Variants in MTHFD2 observed in about 807,000 individuals in gnomAD.
MTHFD2 encodes methylenetetrahydrofolate dehydrogenase (NADP+ dependent) 2, methenyltetrahydrofolate cyclohydrolase.
A neutral mutation model predicts 36.8 loss-of-function variants in MTHFD2; 26 were observed. That is an observed-to-expected ratio of 0.71 (90% CI 0.52 to 0.98). MTHFD2 has a LOEUF of 0.98. MTHFD2 is among the 50% of genes least tolerant of loss of function. The pLI is 0.00. For missense variants in MTHFD2, 373 were observed against 434.0 expected, an observed-to-expected ratio of 0.86 and a Z score of 1.25; for synonymous variants, 164 against 155.2, an observed-to-expected ratio of 1.06 and a Z score of -0.42.
rs1694159368 is a variant in MTHFD2, at chr2:74,205,688, T to C, written c.102-17T>C. On this transcript the variant is annotated splice_polypyrimidine_tract_variant and intron_variant, in intron 1 of 7. Coordinates refer to ENST00000394053, the MANE Select transcript of MTHFD2 (RefSeq NM_006636.4). ...AATTCAAGTTATTTGGTTTTGTGAC[T>C]CTGTTGCCTTCTGCAGAAATGAAGC... The C allele has an allele frequency of 6.2e-7, 1 of 1,611,894 alleles. No homozygotes were observed. The highest frequency in any genetic ancestry group is 1.3e-5 in the African/African-American group (1 of 74,876).
chr2:74,210,789 T>TTTTTTTTTTTTTG (rs1164653958), intron 5 of MTHFD2, among the ~76,000 whole-genome samples: 3 of 150,188 alleles, frequency 2.0e-5, no homozygotes, highest in South Asian at 2.1e-4. Flanking sequence ...AAGTCAGTTT[T>TTTTTTTTTTTTTG]TTTTTTTTTT....
chr2:74,202,359 G>T (rs1162227727), intron 1 of MTHFD2, among the ~76,000 whole-genome samples: 2 of 152,024 alleles, frequency 1.3e-5, no homozygotes, highest in Non-Finnish European at 2.9e-5. Flanking sequence ...CAACATAAAT[G>T]ACTGTTCTAA....
rs952607626 is a variant in MTHFD2 at position 74,216,029 on chromosome 2, T to G, written c.*1787T>G. On this transcript the variant is annotated 3_prime_UTR_variant, in exon 8 of 8. Coordinates refer to ENST00000394053, the MANE Select transcript of MTHFD2 (RefSeq NM_006636.4). ...TGGCTTTCATGCGAGCAGAAGTAGC[T>G]CCTGCTCTAGGCAGCTTGAGGCAGA... The G allele has an allele frequency of 2.0e-5, 3 of 152,254 alleles. No homozygotes were observed. Among genetic ancestry groups the G allele is most frequent in the Admixed American group, 2.0e-4 (3 of 15,278 alleles). The allele number at this position is 152,254 out of a possible 1,614,324, so 9.4% of individuals were successfully genotyped here.
chr2:74,200,542 A>G (rs953717340), intron 1 of MTHFD2, among the ~76,000 whole-genome samples: 1 of 149,156 alleles, frequency 6.7e-6, no homozygotes, highest in Non-Finnish European at 1.5e-5. Flanking sequence ...ATGAGTCTGC[A>G]TTCTTTTTTT....
intron 1 of MTHFD2, among the ~76,000 whole-genome samples, chr2:74,199,892 C>T (rs932182217): frequency 2.2e-4 from 33 of 152,118 alleles, no homozygotes; most frequent in African/African-American, 7.7e-4. Context: ...TGTTAGAGCC[C>T]TGCACCTTAC....
intron 7 of MTHFD2, among the ~76,000 whole-genome samples, chr2:74,212,702 T>C (rs529048548): frequency 6.6e-6 from 1 of 152,302 alleles, no homozygotes; most frequent in East Asian, 1.9e-4. Flanking sequence ...CTTAGACTTA[T>C]TTCATAATTC....
At chr2:74,208,449 A>T in intron 3 of MTHFD2, 120 bp from the exon 4 acceptor site, 1 of 1,149,358 alleles carries the variant, frequency 8.7e-7, no homozygotes, top group Non-Finnish European at 1.3e-6. Flanking sequence ...ATGCAGATGA[A>T]GTACATCTCA....
rs1158606761 is a variant in MTHFD2 at position 74,212,075 on chromosome 2, G to A, written c.889+209G>A. ...AGCTATTCTTCTGCCTCAGCCTCCC[G>A]AGTAGCTGGGACTCCCAAAGTGTTG... On this transcript the variant is annotated intron_variant, in intron 7 of 7. Coordinates refer to ENST00000394053, the MANE Select transcript of MTHFD2 (RefSeq NM_006636.4). Among the ~76,000 whole-genome samples, 5 of 139,522 alleles carry A rather than the reference G, an allele frequency of 3.6e-5. No individual in the cohort carries two copies. Among genetic ancestry groups the A allele is most frequent in the African/African-American group, 8.1e-5 (3 of 37,168 alleles). The allele number at this position is 139,522 out of a possible 152,430, so 91.5% of individuals were successfully genotyped here. A position where few individuals can be genotyped will look rare whatever the true frequency, so the allele number is the denominator to read the frequency against.
chr2:74,203,300 C>T (rs1369385585), intron 1 of MTHFD2, among the ~76,000 whole-genome samples: 1 of 152,180 alleles, frequency 6.6e-6, no homozygotes, highest in Non-Finnish European at 1.5e-5. Context: ...GCCACCGTGC[C>T]TGGCCAGATT....
intron 1 of MTHFD2, among the ~76,000 whole-genome samples, chr2:74,199,739 G>T (rs1693999223): frequency 6.7e-6 from 1 of 150,278 alleles, no homozygotes; most frequent in South Asian, 2.1e-4. Flanking sequence ...AGTTGATAAG[G>T]TTTATGTTAT....
chr2:74,211,251 GAA>G lies in MTHFD2; in HGVS notation c.725_726del (p.Lys242ThrfsTer31), dbSNP rs770419263. On this transcript the variant is annotated frameshift_variant, in exon 6 of 8. Coordinates refer to ENST00000394053, the MANE Select transcript of MTHFD2 (RefSeq NM_006636.4). LOFTEE classifies it high-confidence loss of function. ...GATATACTCCCAAAGAGCAGTTGAA[GAA>G]ACATACAATTCTTGCAGATATTGTA... ...HRYTPKEQLK[K>X]HTILADIVIS... 1.2e-6 allele frequency: 2 copies of G among 1,609,624 alleles called. No homozygotes were observed.
At position 74,205,874 on chromosome 2, in the gene MTHFD2, G is replaced by A. The variant is rs1203213543; in HGVS notation, c.271G>A (p.Ala91Thr). 1.2e-6 allele frequency: 2 copies of A among 1,613,412 alleles called. No individual in the cohort carries two copies. The highest frequency in any genetic ancestry group is 3.3e-5 in the Admixed American group (2 of 59,930). The change falls in exon 2 of 8, where the codon GCA (alanine) becomes ACA (threonine). Residue 91 changes from alanine to threonine, a missense_variant. Transcript: ENST00000394053. ...SHSYVLNKTR[A>T]AAVVGINSET... ...CTCCTATGTCCTCAACAAAACCAGG[G>A]CAGCTGCAGTTGTGGGTATGTGTCC...
chr2:74,211,102 C>A, intron 5 of MTHFD2, 97 bp from the exon 6 acceptor site: 1 of 799,248 alleles, frequency 1.3e-6, no homozygotes, highest in Non-Finnish European at 2.1e-6. Context: ...AATTATTTTT[C>A]AGAGATGTTG....
intron 1 of MTHFD2, among the ~76,000 whole-genome samples, chr2:74,202,965 A>T (rs1399173920): frequency 6.6e-6 from 1 of 152,144 alleles, no homozygotes; most frequent in African/African-American, 2.4e-5. Context: ...TATTATATAA[A>T]ATCAGGGTAA....
chr2:74,212,985 A>G (rs1266047465), intron 7 of MTHFD2, among the ~76,000 whole-genome samples: 10 of 151,420 alleles, frequency 6.6e-5, no homozygotes, highest in Admixed American at 5.9e-4. Context: ...GCTCACTGCA[A>G]CCTCCACCTC....
At chr2:74,206,035 A>T in intron 2 of MTHFD2, 146 bp downstream of exon 2, 1 of 770,930 alleles carries the variant, frequency 1.3e-6, no homozygotes, top group South Asian at 2.0e-5. Context: ...AAACTTTGTC[A>T]TAGGAAATCA....
intron 7 of MTHFD2, among the ~76,000 whole-genome samples, 160 bp from the exon 8 acceptor site, chr2:74,213,919 A>C (rs1244019670): frequency 6.6e-6 from 1 of 152,206 alleles, no homozygotes; most frequent in East Asian, 1.9e-4. Flanking sequence ...ATGTTATTTT[A>C]CTAGTGTGTT....
rs1694213864 is a variant in MTHFD2 at position 74,207,699 on chromosome 2, A to G, written c.287-5A>G. 1.3e-6 allele frequency: 2 copies of G among 1,597,148 alleles called. No individual in the cohort carries two copies. Among genetic ancestry groups the G allele is most frequent in the Admixed American group, 3.4e-5 (2 of 59,392 alleles). ...TTTTTTTAACCTCAAAATTTCTTAT[A>G]ATAGGAATCAACAGTGAGACAATTA... is the stretch of plus-strand genomic sequence containing the variant. On this transcript the variant is annotated splice_polypyrimidine_tract_variant and splice_region_variant and intron_variant, in intron 2 of 7. Coordinates refer to ENST00000394053, the MANE Select transcript of MTHFD2 (RefSeq NM_006636.4).
At chr2:74,198,868 C>G (rs527744428) in intron 1 of MTHFD2, 126 bp downstream of exon 1, 1 of 892,880 alleles carries the variant, frequency 1.1e-6, no homozygotes, top group Non-Finnish European at 1.6e-6. Context: ...GCGGTGGTGG[C>G]CGCTGAGGGG....
Sources: allele counts gnomAD v4.1 joint callset (sites outside exome capture counted in the v4.1 genomes callset), GRCh38; gene constraint gnomAD v4.1.1; transcripts MANE v1.5; gene names NCBI Gene and HGNC (gene_info 2026-07-23, HGNC 2026-07-21).